DCPH1: variants seen among roughly 807,000 people sequenced by gnomAD.
DCPH1 encodes the protein damage-control phosphatase 1.
At chr6:151,455,959 T>C in the DCPH1 span, among the ~76,000 whole-genome samples, 3 of 152,248 alleles carry the variant, frequency 2.0e-5, no homozygotes, top group Non-Finnish European at 4.4e-5. Flanking sequence ...TATGCTGCCT[T>C]CAAGCATCTG....
the DCPH1 span, among the ~76,000 whole-genome samples, chr6:151,461,331 T>A: frequency 2.0e-5 from 3 of 152,188 alleles, no homozygotes; most frequent in African/African-American, 7.2e-5. Flanking sequence ...CAAACCTGGC[T>A]GCACATTTAT....
the DCPH1 span, chr6:151,468,464 A>T: frequency 6.2e-7 from 1 of 1,613,520 alleles, no homozygotes. Context: ...AATGATATGG[A>T]ACATCTTTGG....
chr6:151,458,433 ACT>A, the DCPH1 span: 1 of 1,613,692 alleles, frequency 6.2e-7, no homozygotes, highest in East Asian at 2.2e-5. Flanking sequence ...ATTTGTTGAT[ACT>A]GATATATGGA....
At chr6:151,465,490 G>A in the DCPH1 span, among the ~76,000 whole-genome samples, 5 of 152,218 alleles carry the variant, frequency 3.3e-5, no homozygotes, top group South Asian at 2.1e-4. Context: ...GTATGTCTGC[G>A]GAGTACATGG....
the DCPH1 span, among the ~76,000 whole-genome samples, chr6:151,462,932 C>A: frequency 1.3e-5 from 2 of 152,110 alleles, no homozygotes; most frequent in East Asian, 3.9e-4. Context: ...ATCTTTTAGG[C>A]ATAGGGGCCA....
the DCPH1 span, chr6:151,452,486 C>CCGCCT: frequency 6.3e-7 from 1 of 1,587,800 alleles, no homozygotes; most frequent in Non-Finnish European, 8.6e-7. Context: ...CGCGGCGGTA[C>CCGCCT]CGCCTCTGTT....
the DCPH1 span, among the ~76,000 whole-genome samples, chr6:151,460,582 G>A: frequency 2.0e-5 from 3 of 151,552 alleles, no homozygotes; most frequent in Admixed American, 6.6e-5. Context: ...TCAAGAGGTC[G>A]AGACCATCCT....
chr6:151,452,511 A>G, the DCPH1 span: 2 of 1,610,020 alleles, frequency 1.2e-6, no homozygotes, highest in Middle Eastern at 1.7e-4. Flanking sequence ...CGGCGATTGA[A>G]CAGCCGAGCT....
the DCPH1 span, among the ~76,000 whole-genome samples, chr6:151,466,043 T>C: frequency 6.6e-6 from 1 of 152,178 alleles, no homozygotes; most frequent in Admixed American, 6.5e-5. Context: ...CTCAGCCTCC[T>C]GAGTAGCTGG....
At chr6:151,452,539 G>C in the DCPH1 span, 1 of 1,611,802 alleles carries the variant, frequency 6.2e-7, no homozygotes, top group Non-Finnish European at 8.5e-7. Flanking sequence ...CGGGATCGCG[G>C]AAAGTGATGG....
the DCPH1 span, among the ~76,000 whole-genome samples, chr6:151,454,193 TG>T: frequency 1.3e-5 from 2 of 152,212 alleles, no homozygotes; most frequent in East Asian, 3.8e-4. Flanking sequence ...ATAGTAGACC[TG>T]GGACAAGAGC....
the DCPH1 span, chr6:151,469,040 T>G: frequency 6.2e-7 from 1 of 1,614,054 alleles, no homozygotes; most frequent in Non-Finnish European, 8.5e-7. Context: ...GGGGAACAGC[T>G]CCTGGCCTCT....
At chr6:151,468,530 A>G in the DCPH1 span, 2 of 1,613,820 alleles carry the variant, frequency 1.2e-6, no homozygotes, top group Admixed American at 1.7e-5. Flanking sequence ...ACTAGAGTGT[A>G]TATTGTTCTC....
the DCPH1 span, chr6:151,454,678 T>G: frequency 3.5e-6 from 4 of 1,135,052 alleles, no homozygotes; most frequent in Non-Finnish European, 5.2e-6. Flanking sequence ...AACTTTTAAT[T>G]TTTTGTTAAT....
At chr6:151,469,013 G>A in the DCPH1 span, 3 of 1,614,136 alleles carry the variant, frequency 1.9e-6, no homozygotes, top group South Asian at 2.2e-5. Context: ...ATTCAGGTTG[G>A]TCTGCAGCCT....
At chr6:151,454,702 CATA>C in the DCPH1 span, 216 of 899,556 alleles carry the variant, frequency 2.4e-4, 1 homozygote, top group African/African-American at 3.4e-3. Flanking sequence ...TCAACAGAAA[CATA>C]ATAAATAGTT....
the DCPH1 span, chr6:151,452,776 G>C: frequency 5.3e-6 from 3 of 569,534 alleles, no homozygotes; most frequent in East Asian, 9.9e-5. Flanking sequence ...GCCCCGGGGA[G>C]GGAGCCTGCC....
the DCPH1 span, chr6:151,469,241 A>C: frequency 6.0e-6 from 4 of 667,652 alleles, no homozygotes; most frequent in Middle Eastern, 4.2e-4. Context: ...CTTGGTGCCC[A>C]TCTACGTGCA....
the DCPH1 span, chr6:151,454,791 C>T: frequency 1.9e-6 from 1 of 537,102 alleles, no homozygotes; most frequent in African/African-American, 2.0e-5. Context: ...TAAGGTAATA[C>T]ATTGAAATGA....
Sources: allele counts gnomAD v4.1 joint callset (sites outside exome capture counted in the v4.1 genomes callset), GRCh38; gene constraint gnomAD v4.1.1; transcripts MANE v1.5; gene names NCBI Gene and HGNC (gene_info 2026-07-23, HGNC 2026-07-21).